The following FBXL7 variants were observed in gnomAD, a reference collection of about 807,000 sequenced individuals.
The protein encoded by FBXL7 is F-box/LRR-repeat protein 7.
A neutral mutation model predicts 38.3 loss-of-function variants in FBXL7; 12 were observed. The ratio of observed to expected loss-of-function variants is 0.31; its 90% confidence interval spans 0.20 to 0.51. FBXL7 has a LOEUF of 0.51. Among genes scored for constraint, FBXL7 ranks in the 20% least tolerant of loss-of-function variants. The probability of loss-of-function intolerance (pLI) is 0.98; values close to 1 mark genes in which losing one functional copy is unlikely to be tolerated. For synonymous variants in FBXL7, 297 were observed against 300.9 expected (o/e 0.99, Z 0.13); for missense variants, 567 against 676.4 (o/e 0.84, Z 1.79).
At position 15,736,454 on chromosome 5, in the gene FBXL7, A is replaced by G. The variant is rs898946554; in HGVS notation, c.127+120382A>G. ...TCTCATAAATATTACAATATTGTTT[A>G]TACAACAGTAGATTTTTCTTATAAG... On this transcript the variant is annotated intron_variant, in intron 2 of 3. Transcript: ENST00000504595. Among the ~76,000 whole-genome samples, 5 of 152,346 alleles carry G rather than the reference A, an allele frequency of 3.3e-5. No individual in the cohort carries two copies. The East Asian group carries it at 7.7e-4, about 23-fold the overall frequency.
At position 15,840,793 on chromosome 5, in the gene FBXL7, G is replaced by T. The variant is rs257765; in HGVS notation, c.128-87097G>T. On this transcript the variant is annotated intron_variant, in intron 2 of 3. Coordinates refer to ENST00000504595, the MANE Select transcript of FBXL7 (RefSeq NM_012304.5). Reference sequence around the variant, plus strand: ...ACCCAGGAGGTGGACGTTGCAGTAAGCTGAGATCACGCCACTGCACTCCAG... The same window carrying T: ...ACCCAGGAGGTGGACGTTGCAGTAATCTGAGATCACGCCACTGCACTCCAG... 2.1e-5 allele frequency among the ~76,000 whole-genome samples: 3 copies of T among 146,102 alleles called. No individual in the cohort carries two copies. The South Asian group carries it at 6.5e-4, about 32-fold the overall frequency.
chr5:15,519,754 T>C (rs910075520), intron 1 of FBXL7, among the ~76,000 whole-genome samples: 3 of 152,196 alleles, frequency 2.0e-5, no homozygotes, highest in Non-Finnish European at 4.4e-5. Flanking sequence ...TGGTATGATT[T>C]GAAGACAGAG....
chr5:15,885,827 G>A (rs896616001), intron 2 of FBXL7, among the ~76,000 whole-genome samples: 4 of 152,028 alleles, frequency 2.6e-5, no homozygotes, highest in African/African-American at 9.7e-5. Context: ...TCCTACCTCA[G>A]CCTCCTGAGT....
chr5:15,805,410 TG>T (rs1434888136), intron 2 of FBXL7, among the ~76,000 whole-genome samples: 1 of 152,354 alleles, frequency 6.6e-6, no homozygotes, highest in Non-Finnish European at 1.5e-5. Flanking sequence ...CTCTTTAAAT[TG>T]GGTTAACTGT....
intron 2 of FBXL7, among the ~76,000 whole-genome samples, chr5:15,729,555 A>G (rs1367718368): frequency 1.3e-5 from 2 of 152,178 alleles, no homozygotes; most frequent in Admixed American, 6.6e-5. Context: ...ATAAAACTTC[A>G]TGCACAAACT....
chr5:15,528,330 G>A (rs1317273794), intron 1 of FBXL7, among the ~76,000 whole-genome samples: 3 of 152,174 alleles, frequency 2.0e-5, no homozygotes, highest in Non-Finnish European at 2.9e-5. Context: ...GTGGAATCTA[G>A]CAGGACATTT....
chr5:15,654,608 AAAGT>A (rs1741817662), intron 2 of FBXL7, among the ~76,000 whole-genome samples: 3 of 152,096 alleles, frequency 2.0e-5, no homozygotes. Flanking sequence ...AAGGTTTTTT[AAAGT>A]ATTCAAAACC....
At chr5:15,888,225 T>C (rs1488678377) in intron 2 of FBXL7, among the ~76,000 whole-genome samples, 2 of 151,150 alleles carry the variant, frequency 1.3e-5, no homozygotes, top group African/African-American at 2.4e-5. Flanking sequence ...TATTTATTTA[T>C]TTATTTATTT....
intron 2 of FBXL7, among the ~76,000 whole-genome samples, chr5:15,617,430 T>C (rs1316487569): frequency 1.1e-4 from 5 of 44,162 alleles, no homozygotes; most frequent in Admixed American, 2.2e-4. Flanking sequence ...GACATTTATT[T>C]ATTTATTTAT....
intron 1 of FBXL7, among the ~76,000 whole-genome samples, chr5:15,509,272 CT>C (rs898994913): frequency 2.7e-4 from 41 of 151,606 alleles, no homozygotes; most frequent in Admixed American, 1.7e-3. Flanking sequence ...TAGCTTCTTT[CT>C]TTTTTTTTAT....
intron 1 of FBXL7, among the ~76,000 whole-genome samples, chr5:15,519,223 C>A (rs609984): frequency 0.086 from 13,084 of 151,988 alleles, 1,693 homozygotes; most frequent in African/African-American, 0.28. Flanking sequence ...GTGTGCCTGT[C>A]ATCCCAGCTA....
At chr5:15,592,981 G>A (rs1739526003) in intron 1 of FBXL7, among the ~76,000 whole-genome samples, 1 of 152,158 alleles carries the variant, frequency 6.6e-6, no homozygotes, top group South Asian at 2.1e-4. Flanking sequence ...CTGCTGTATG[G>A]TTAGGCATTT....
chr5:15,848,351 A>G (rs967420250), intron 2 of FBXL7, among the ~76,000 whole-genome samples: 6 of 152,026 alleles, frequency 3.9e-5, no homozygotes, highest in African/African-American at 1.4e-4. Context: ...TGAAGCTTAA[A>G]CAGTTTTCCG....
intron 2 of FBXL7, among the ~76,000 whole-genome samples, chr5:15,884,019 T>A (rs1464123226): frequency 1.3e-5 from 2 of 152,190 alleles, no homozygotes; most frequent in African/African-American, 4.8e-5. Flanking sequence ...TAGGCTGCTG[T>A]AACAAAATCC....
rs553373000 is a variant in FBXL7, at chr5:15,500,280, G to C, written c.-397G>C. 1.3e-5 allele frequency: 2 copies of C among 151,794 alleles called. No individual in the cohort carries two copies. Among genetic ancestry groups the C allele is most frequent in the South Asian group, 4.1e-4 (2 of 4,832 alleles). 9.4% of individuals were successfully genotyped at this position (151,794 alleles called of 1,614,324 possible). On this transcript the variant is annotated 5_prime_UTR_variant, in exon 1 of 4. Transcript: ENST00000504595. ...GCGCGCAGGGGCAGCCGAAGGAGGC[G>C]GTCGAGCCGCGGAGCCCAGGGGCCT...
intron 2 of FBXL7, among the ~76,000 whole-genome samples, chr5:15,900,392 C>T (rs1741206373): frequency 6.6e-6 from 1 of 152,108 alleles, no homozygotes; most frequent in Admixed American, 6.5e-5. Flanking sequence ...GAAGAAAAAC[C>T]TACTTTTCTT....
chr5:15,789,256 A>G (rs1253077622), intron 2 of FBXL7, among the ~76,000 whole-genome samples: 1 of 152,022 alleles, frequency 6.6e-6, no homozygotes, highest in African/African-American at 2.4e-5. Flanking sequence ...TAATGTTTTT[A>G]ATAATATAGT....
At chr5:15,862,098 T>G (rs1180428722) in intron 2 of FBXL7, among the ~76,000 whole-genome samples, 1 of 152,200 alleles carries the variant, frequency 6.6e-6, no homozygotes, top group Non-Finnish European at 1.5e-5. Context: ...GGTTTGACTG[T>G]GTCCCCACCC....
At chr5:15,849,187 A>G (rs1305477570) in intron 2 of FBXL7, among the ~76,000 whole-genome samples, 1 of 147,900 alleles carries the variant, frequency 6.8e-6, no homozygotes, top group East Asian at 2.0e-4. Flanking sequence ...GCCAAATTTA[A>G]TTAAAGCCAA....
Sources: gnomAD v4.1 joint callset for allele counts (sites outside exome capture counted in the v4.1 genomes callset) on GRCh38, gnomAD v4.1.1 for gene constraint, MANE v1.5 for transcripts, NCBI Gene and HGNC (gene_info 2026-07-23, HGNC 2026-07-21) for gene names.